Variants in ZNF438 observed in about 807,000 individuals in gnomAD.
ZNF438 encodes the protein zinc finger protein 438.
ZNF438 carries 25 observed loss-of-function variants against 38.0 expected under a neutral mutation model. The observed-to-expected ratio is 0.66, with a 90% confidence interval of 0.48 to 0.92. The LOEUF is 0.92. ZNF438 is among the 40% of genes least tolerant of loss of function. The pLI is 0.00. For missense variants in ZNF438, 1,007 were observed against 999.6 expected (o/e 1.01, Z -0.10); for synonymous variants, 372 against 364.1 (o/e 1.02, Z -0.25).
chr10:30,984,981 C>CTA, intron 1 of ZNF438, among the ~76,000 whole-genome samples: 1 of 152,026 alleles, frequency 6.6e-6, no homozygotes, highest in Admixed American at 6.6e-5. Flanking sequence ...TTAAAATATG[C>CTA]TAAGACTTAC....
chr10:30,876,292 T>C (rs2038403474), intron 4 of ZNF438, among the ~76,000 whole-genome samples: 1 of 152,176 alleles, frequency 6.6e-6, no homozygotes, highest in Non-Finnish European at 1.5e-5. Flanking sequence ...TTCTCATACA[T>C]GTCAGAACTT....
intron 1 of ZNF438, among the ~76,000 whole-genome samples, chr10:31,008,315 T>C (rs189739361): frequency 2.5e-4 from 38 of 152,334 alleles, no homozygotes; most frequent in Admixed American, 2.2e-3. Context: ...TACCATGCAA[T>C]TTACCCTTTT....
chr10:30,845,279 A>G (rs1480793994), exon 6 of ZNF438: 1 of 1,613,978 alleles, frequency 6.2e-7, no homozygotes, highest in African/African-American at 1.3e-5. Flanking sequence ...TCAGTCTTGG[A>G]CATGCATGTG....
chr10:30,990,087 ATAC>A (rs2053311258), intron 1 of ZNF438, among the ~76,000 whole-genome samples: 1 of 152,190 alleles, frequency 6.6e-6, no homozygotes, highest in Non-Finnish European at 1.5e-5. Context: ...GAATTAACTA[ATAC>A]GTTAAATTCT....
intron 4 of ZNF438, among the ~76,000 whole-genome samples, chr10:30,858,863 C>T (rs2035114704): frequency 6.6e-6 from 1 of 152,162 alleles, no homozygotes; most frequent in African/African-American, 2.4e-5. Flanking sequence ...TTCCACTCAG[C>T]ACAGGCCTTT....
intron 1 of ZNF438, among the ~76,000 whole-genome samples, chr10:30,970,472 G>A (rs757059829): frequency 2.0e-5 from 3 of 152,166 alleles, no homozygotes; most frequent in Non-Finnish European, 4.4e-5. Flanking sequence ...ACAGTGTCAT[G>A]AAGCTGTTCA....
At chr10:30,877,410 T>C (rs1006309692) in intron 3 of ZNF438, among the ~76,000 whole-genome samples, 12 of 152,178 alleles carry the variant, frequency 7.9e-5, no homozygotes, top group Non-Finnish European at 1.5e-4. Flanking sequence ...TAAGAAGAAA[T>C]AGCTAACATG....
At chr10:30,963,585 C>T (rs2049779905) in intron 1 of ZNF438, among the ~76,000 whole-genome samples, 1 of 151,988 alleles carries the variant, frequency 6.6e-6, no homozygotes, top group African/African-American at 2.4e-5. Flanking sequence ...AGTATATATG[C>T]CAATGAGGCC....
intron 3 of ZNF438, among the ~76,000 whole-genome samples, chr10:30,908,458 G>C (rs1360807971): frequency 1.3e-5 from 2 of 152,084 alleles, no homozygotes; most frequent in African/African-American, 4.8e-5. Flanking sequence ...CCTTTTTAAG[G>C]GCTCACCATG....
rs115405903 is a variant in ZNF438, at chr10:31,005,316, A to G, written c.-192+26517T>C. ...ATGTACATGCACGTACGTAAATGGA[A>G]TATTATTCAGCTTTAAAAAGGAGAT... On this transcript the variant is annotated intron_variant, in intron 1 of 5. Transcript: ENST00000413025. 6.0e-3 allele frequency among the ~76,000 whole-genome samples: 911 copies of G among 152,322 alleles called. 11 individuals carry two copies. The highest frequency in any genetic ancestry group is 0.02 in the African/African-American group (850 of 41,560).
chr10:30,878,894 T>C (rs1163167045), intron 3 of ZNF438, among the ~76,000 whole-genome samples: 2 of 152,088 alleles, frequency 1.3e-5, no homozygotes, highest in African/African-American at 4.8e-5. Context: ...ATTGCAAATC[T>C]GACAAAGGGG....
chr10:30,892,214 G>C (rs1053085482), intron 3 of ZNF438, among the ~76,000 whole-genome samples: 4 of 144,500 alleles, frequency 2.8e-5, no homozygotes, highest in Non-Finnish European at 6.0e-5. Flanking sequence ...TAAAACTGTG[G>C]ATAGTACGAA....
chr10:31,001,857 A>G (rs1454690862), intron 1 of ZNF438, among the ~76,000 whole-genome samples: 4 of 152,348 alleles, frequency 2.6e-5, no homozygotes, highest in South Asian at 2.1e-4. Context: ...CCCAACCTCA[A>G]GAACTCCCCA....
intron 3 of ZNF438, among the ~76,000 whole-genome samples, chr10:30,908,508 A>T (rs1401930401): frequency 2.6e-5 from 4 of 152,178 alleles, no homozygotes. Context: ...TATGCACAGT[A>T]AGGTGCTTGC....
chr10:30,955,930 G>C (rs1214960598), intron 1 of ZNF438, among the ~76,000 whole-genome samples: 1 of 152,118 alleles, frequency 6.6e-6, no homozygotes, highest in Non-Finnish European at 1.5e-5. Flanking sequence ...AATTTGCAAA[G>C]TTCATTATAA....
At chr10:30,850,161 G>A (rs748271810) in exon 5 of ZNF438, 3 of 1,614,158 alleles carry the variant, frequency 1.9e-6, no homozygotes, top group Non-Finnish European at 8.5e-7. Flanking sequence ...ACCTGCATCA[G>A]GGCATAGTTC....
At position 30,958,080 on chromosome 10, in the gene ZNF438, T is replaced by G. The variant is rs1027772093; in HGVS notation, c.-191-16429A>C. 4.8e-5 allele frequency among the ~76,000 whole-genome samples: 7 copies of G among 146,894 alleles called. 2 individuals carry two copies. Among genetic ancestry groups the G allele is most frequent in the Non-Finnish European group, 1.1e-4 (7 of 64,820 alleles). On this transcript the variant is annotated intron_variant, in intron 1 of 5. Coordinates refer to ENST00000413025, the Ensembl canonical transcript of ZNF438. Reference sequence around the variant, plus strand: ...GTTGCTTTGGCTACTCGAGGTCTTTTGTAGTTCCATTTTTGGGACTGAGTC... The same window carrying G: ...GTTGCTTTGGCTACTCGAGGTCTTTGGTAGTTCCATTTTTGGGACTGAGTC...
At chr10:30,913,293 A>G (rs924271556) in intron 2 of ZNF438, among the ~76,000 whole-genome samples, 1 of 151,890 alleles carries the variant, frequency 6.6e-6, no homozygotes, top group Admixed American at 6.6e-5. Context: ...CTCCAGTCCA[A>G]TTTCATACCA....
chr10:31,023,785 G>A (rs190520839), intron 1 of ZNF438, among the ~76,000 whole-genome samples: 99 of 152,232 alleles, frequency 6.5e-4, no homozygotes, highest in African/African-American at 2.1e-3. Context: ...CAACTGCCCC[G>A]CTTCAGTACC....
Sources: allele counts gnomAD v4.1 joint callset (sites outside exome capture counted in the v4.1 genomes callset), GRCh38; gene constraint gnomAD v4.1.1; transcripts MANE v1.5; gene names NCBI Gene and HGNC (gene_info 2026-07-23, HGNC 2026-07-21).